NTRK3: variants seen among roughly 807,000 people sequenced by gnomAD.
NTRK3 encodes the protein neurotrophic receptor tyrosine kinase 3, also known as NT-3 growth factor receptor.
NTRK3 carries 24 observed loss-of-function variants against 91.7 expected under a neutral mutation model. The observed-to-expected ratio is 0.26, with a 90% CI of 0.19 to 0.37. NTRK3 has a LOEUF of 0.37. NTRK3 is among the 10% of genes least tolerant of loss of function. NTRK3 has a pLI of 1.00. For synonymous variants in NTRK3, 483 were observed against 404.0 expected (o/e 1.20, Z -2.34); for missense variants, 880 against 1,068.9 (o/e 0.82, Z 2.46).
Position 88,255,372 on chromosome 15 carries a change from G to C in NTRK3, c.248+534C>G, listed in dbSNP as rs528921248. On this transcript the variant is annotated intron_variant, in intron 3 of 18. Transcript: ENST00000394480. This position sits in a 1 kb window ranked among gnomAD's most constrained non-coding sequence, Gnocchi z 4.3. ...CCCGCGAGCAGCCAGCTCGCAACTT[G>C]TTTACTTGTCAGCATGTTTTGCTGT... Among the ~76,000 whole-genome samples, 17 of 152,244 alleles carry C rather than the reference G, an allele frequency of 1.1e-4. No individual in the cohort carries two copies. The highest frequency in any genetic ancestry group is 2.2e-4 in the Non-Finnish European group (15 of 68,014).
At chr15:88,085,078 C>G (rs552381173) in intron 13 of NTRK3, among the ~76,000 whole-genome samples, 1 of 152,230 alleles carries the variant, frequency 6.6e-6, no homozygotes, top group South Asian at 2.1e-4. Context: ...AACAAGATAG[C>G]CAATGTCAAA....
chr15:87,978,611 A>G (rs1251529729), intron 14 of NTRK3: 1 of 231,050 alleles, frequency 4.3e-6, no homozygotes, highest in African/African-American at 2.2e-5. Flanking sequence ...GAGCCTGGAG[A>G]AACTCTCCTC....
chr15:88,184,750 C>T (rs558730951), intron 3 of NTRK3, among the ~76,000 whole-genome samples: 8 of 152,276 alleles, frequency 5.3e-5, no homozygotes, highest in East Asian at 1.9e-4. Flanking sequence ...ACGGGGTGGC[C>T]GGCTGGCCAG....
chr15:88,086,307 G>C (rs1035787080), intron 13 of NTRK3, among the ~76,000 whole-genome samples: 1 of 152,148 alleles, frequency 6.6e-6, no homozygotes, highest in Non-Finnish European at 1.5e-5. Flanking sequence ...CTAGCTACAT[G>C]CAATTACTGT....
intron 15 of NTRK3, among the ~76,000 whole-genome samples, chr15:87,938,328 G>A (rs917454412): frequency 6.6e-6 from 1 of 152,132 alleles, no homozygotes; most frequent in Non-Finnish European, 1.5e-5. Flanking sequence ...GTTCTTTAGA[G>A]GTATAAAATT....
chr15:88,128,583 C>T, intron 11 of NTRK3, 128 bp downstream of exon 11: 3 of 972,998 alleles, frequency 3.1e-6, no homozygotes, highest in Non-Finnish European at 5.0e-6. Flanking sequence ...TTTCACAGTT[C>T]ACTCAGATGC....
intron 17 of NTRK3, among the ~76,000 whole-genome samples, chr15:87,907,007 G>T (rs1385226822): frequency 6.6e-6 from 1 of 152,092 alleles, no homozygotes; most frequent in Non-Finnish European, 1.5e-5. Flanking sequence ...ACCAAGAAAG[G>T]TCTAAATTTA....
intron 13 of NTRK3, among the ~76,000 whole-genome samples, chr15:88,104,354 T>C (rs947737839): frequency 1.2e-4 from 18 of 152,258 alleles, no homozygotes; most frequent in Non-Finnish European, 2.5e-4. Flanking sequence ...CTGTCTCTAA[T>C]GAAGATGCAC....
chr15:87,950,437 G>C (rs559829298), intron 14 of NTRK3, among the ~76,000 whole-genome samples: 17 of 152,286 alleles, frequency 1.1e-4, no homozygotes, highest in African/African-American at 4.1e-4. Flanking sequence ...AAGAGAGGCA[G>C]CAGCACCCCC....
At chr15:88,224,629 A>G (rs2050523506) in intron 3 of NTRK3, among the ~76,000 whole-genome samples, 1 of 152,238 alleles carries the variant, frequency 6.6e-6, no homozygotes, top group Non-Finnish European at 1.5e-5. Flanking sequence ...TTCAGTCATC[A>G]GGTTCTATCA....
intron 5 of NTRK3, among the ~76,000 whole-genome samples, chr15:88,169,333 G>A (rs2045293883): frequency 6.6e-6 from 1 of 152,194 alleles, no homozygotes; most frequent in African/African-American, 2.4e-5. Flanking sequence ...TTCAGAGTAT[G>A]GCAGGTAGTT....
chr15:88,229,400 C>T (rs983336698), intron 3 of NTRK3, among the ~76,000 whole-genome samples: 8 of 152,164 alleles, frequency 5.3e-5, no homozygotes, highest in African/African-American at 1.9e-4. Context: ...CATGTTACAT[C>T]CCAAAGCTTG....
chr15:88,163,769 T>C (rs1334748264), intron 5 of NTRK3, among the ~76,000 whole-genome samples: 3 of 152,156 alleles, frequency 2.0e-5, no homozygotes, highest in Admixed American at 2.0e-4. Context: ...TGACCACACA[T>C]TCTGGTCTGC....
chr15:87,957,231 T>C (rs1259239919), intron 14 of NTRK3, among the ~76,000 whole-genome samples: 1 of 147,000 alleles, frequency 6.8e-6, no homozygotes, highest in South Asian at 2.1e-4. Context: ...TGTGTTAGCA[T>C]GTGTAAAACA....
At chr15:87,989,203 C>T (rs139001198) in intron 14 of NTRK3, among the ~76,000 whole-genome samples, 4 of 152,264 alleles carry the variant, frequency 2.6e-5, no homozygotes, top group African/African-American at 2.4e-5. Context: ...CACATGCACA[C>T]GTATGTTTAT....
chr15:88,119,148 A>G (rs1567452738), intron 13 of NTRK3, among the ~76,000 whole-genome samples: 1 of 152,220 alleles, frequency 6.6e-6, no homozygotes. Context: ...CCGTGTAGGG[A>G]CTTCTATGAT....
chr15:87,913,471 T>C (rs2067237267), intron 17 of NTRK3, among the ~76,000 whole-genome samples: 1 of 152,114 alleles, frequency 6.6e-6, no homozygotes, highest in Non-Finnish European at 1.5e-5. Context: ...TCTTTTCTAC[T>C]TTCATGGCAG....
intron 17 of NTRK3, among the ~76,000 whole-genome samples, chr15:87,888,944 G>C (rs1213134861): frequency 3.3e-5 from 5 of 152,050 alleles, no homozygotes; most frequent in Admixed American, 3.3e-4. Flanking sequence ...CACTCCTTTT[G>C]GCTCTGCCTC....
At chr15:88,160,743 A>G (rs1421511264) in intron 5 of NTRK3, among the ~76,000 whole-genome samples, 1 of 152,190 alleles carries the variant, frequency 6.6e-6, no homozygotes, top group East Asian at 1.9e-4. Flanking sequence ...GACAGTGGAG[A>G]AAGCCCCATC....
Sources: allele counts gnomAD v4.1 joint callset (sites outside exome capture counted in the v4.1 genomes callset), GRCh38; gene constraint gnomAD v4.1.1; non-coding constraint Gnocchi (gnomAD v3.1); transcripts MANE v1.5; gene names NCBI Gene and HGNC (gene_info 2026-07-23, HGNC 2026-07-21).